Variants in ZFHX3 observed in about 807,000 individuals in gnomAD.
The protein encoded by ZFHX3 is zinc finger homeobox 3.
ZFHX3 carries 42 observed loss-of-function variants against 279.1 expected under a neutral mutation model. That is an observed-to-expected ratio of 0.15 (90% CI 0.12 to 0.19). The LOEUF is 0.19. Among genes scored for constraint, ZFHX3 ranks in the 10% least tolerant of loss-of-function variants. The pLI, the probability that ZFHX3 is intolerant of heterozygous loss-of-function variation, is 1.00. For synonymous variants in ZFHX3, 2,293 were observed against 1,957.8 expected (o/e 1.17, Z -4.52); for missense variants, 4,981 against 4,754.0 (o/e 1.05, Z -1.40).
intron 3 of ZFHX3, among the ~76,000 whole-genome samples, chr16:73,379,234 G>T (rs887699165): frequency 6.6e-6 from 1 of 152,168 alleles, no homozygotes; most frequent in African/African-American, 2.4e-5. Context: ...GGCAAGTAGA[G>T]GTTATAGTGA....
intron 3 of ZFHX3, among the ~76,000 whole-genome samples, chr16:73,378,643 C>T (rs1008208886): frequency 6.6e-6 from 1 of 152,218 alleles, no homozygotes; most frequent in Admixed American, 6.5e-5. Context: ...TTGATCTGCA[C>T]CAAACTAACC....
At chr16:73,397,580 T>G (rs1567471460) in intron 3 of ZFHX3, among the ~76,000 whole-genome samples, 1 of 151,912 alleles carries the variant, frequency 6.6e-6, no homozygotes, top group African/African-American at 2.4e-5. Flanking sequence ...AGAATAGAAA[T>G]GAGAAAAGCG....
chr16:73,461,540 C>T (rs7191703), intron 2 of ZFHX3, among the ~76,000 whole-genome samples: 1,807 of 152,256 alleles, frequency 0.012, 30 homozygotes, highest in African/African-American at 0.042. Context: ...ATTCTGCAAT[C>T]CACTTTGGAT....
Position 72,957,492 on chromosome 16 carries a change from T to A in ZFHX3, c.2654A>T (p.Gln885Leu). The change falls in exon 2 of 10, where the codon CAG becomes CTG. Residue 885 changes from glutamine (Q) to leucine (L), a missense_variant. Transcript: ENST00000268489. ...CAGCTGGAATCCGCTCATCATGAAC[T>A]GGGCGTCCGAGGCAGCACTGTCCAT... is the stretch of plus-strand genomic sequence containing the variant. ...LKMDSAASDA[Q>L]FMMSGFQLDP... 1 of 1,614,128 alleles carries A rather than the reference T, an allele frequency of 6.2e-7. No homozygotes were observed. The highest frequency in any genetic ancestry group is 8.5e-7 in the Non-Finnish European group (1 of 1,180,010).
intron 2 of ZFHX3, among the ~76,000 whole-genome samples, chr16:73,547,267 G>A (rs1409176655): frequency 6.6e-6 from 1 of 151,782 alleles, no homozygotes. Flanking sequence ...TACCAAATTG[G>A]CTTTAAATTA....
Position 73,746,905 on chromosome 16 carries a change from G to A in ZFHX3, c.-1607-66665C>T, listed in dbSNP as rs564034845. Among the ~76,000 whole-genome samples the A allele has an allele frequency of 7.2e-5, 11 of 152,114 alleles. No individual in the cohort carries two copies. In the South Asian group the frequency reaches 2.3e-3, roughly 32 times the overall value. ...CCAAAGTACACACTTTTCCTAATAA[G>A]GACTGTGTTTTAGATTATCAACATT... On this transcript the variant is annotated intron_variant, in intron 1 of 17. Transcript: ENST00000641206.
chr16:73,369,884 C>A (rs2016594471), intron 3 of ZFHX3, among the ~76,000 whole-genome samples: 1 of 151,870 alleles, frequency 6.6e-6, no homozygotes. Context: ...ACAGTCAAAG[C>A]ATATTCGAAG....
intron 3 of ZFHX3, among the ~76,000 whole-genome samples, chr16:73,445,139 T>C (rs1466308093): frequency 6.6e-6 from 1 of 151,640 alleles, no homozygotes; most frequent in African/African-American, 2.4e-5. Flanking sequence ...TCTGAAAAAT[T>C]TTAAAAAAAA....
chr16:72,968,653 G>A (rs1205247255), intron 1 of ZFHX3, among the ~76,000 whole-genome samples: 2 of 151,918 alleles, frequency 1.3e-5, no homozygotes, highest in African/African-American at 2.4e-5. Context: ...AATAGAGACA[G>A]GGTTTCACCA....
chr16:73,868,228 G>C (rs1268031148), intron 1 of ZFHX3, among the ~76,000 whole-genome samples: 2 of 152,210 alleles, frequency 1.3e-5, no homozygotes, highest in East Asian at 3.9e-4. Context: ...CTGAAGTCAA[G>C]GTTCAACAAT....
At chr16:73,023,664 C>A (rs886853196) in intron 1 of ZFHX3, among the ~76,000 whole-genome samples, 1 of 152,212 alleles carries the variant, frequency 6.6e-6, no homozygotes, top group Admixed American at 6.5e-5. Context: ...AGAAAACCAG[C>A]GCTTAGAAAA....
intron 2 of ZFHX3, among the ~76,000 whole-genome samples, chr16:73,494,707 G>A (rs529825178): frequency 2.0e-5 from 3 of 151,002 alleles, no homozygotes; most frequent in South Asian, 2.1e-4. Context: ...TTATAGGCAC[G>A]CACCACCATG....
At chr16:73,850,830 T>C (rs1032506404) in intron 1 of ZFHX3, among the ~76,000 whole-genome samples, 1 of 152,054 alleles carries the variant, frequency 6.6e-6, no homozygotes, top group African/African-American at 2.4e-5. Flanking sequence ...TTCCTCAGGG[T>C]GAAGGGTACC....
At chr16:72,863,852 A>G (rs2037946945) in intron 4 of ZFHX3, among the ~76,000 whole-genome samples, 3 of 152,136 alleles carry the variant, frequency 2.0e-5, no homozygotes, top group Non-Finnish European at 4.4e-5. Context: ...TTTTTTTAAA[A>G]AAGTTCCTTC....
chr16:73,778,732 T>C (rs995122693), intron 1 of ZFHX3, among the ~76,000 whole-genome samples: 3 of 152,220 alleles, frequency 2.0e-5, no homozygotes, highest in Admixed American at 6.5e-5. Context: ...AGCTTACAGT[T>C]TCTTCTGATG....
intron 5 of ZFHX3, among the ~76,000 whole-genome samples, chr16:73,162,841 C>T (rs1384925046): frequency 6.6e-6 from 1 of 152,184 alleles, no homozygotes; most frequent in Non-Finnish European, 1.5e-5. Context: ...TTCTTCTAAA[C>T]TCAAGGATAA....
intron 3 of ZFHX3, among the ~76,000 whole-genome samples, chr16:73,387,427 T>C (rs1264520329): frequency 1.3e-5 from 2 of 152,212 alleles, no homozygotes; most frequent in African/African-American, 2.4e-5. Context: ...AGGGGTCATG[T>C]TGAAGACTTC....
chr16:73,377,522 G>C (rs1412601848), intron 3 of ZFHX3, among the ~76,000 whole-genome samples: 1 of 152,042 alleles, frequency 6.6e-6, no homozygotes, highest in South Asian at 2.1e-4. Flanking sequence ...GGAAATCAAT[G>C]TGTAAAGATG....
chr16:72,983,552 A>T (rs1212524853), intron 1 of ZFHX3, among the ~76,000 whole-genome samples: 1 of 152,162 alleles, frequency 6.6e-6, no homozygotes, highest in Non-Finnish European at 1.5e-5. Context: ...TACAAAAATT[A>T]AAAAATTAGC....
Sources: gnomAD v4.1 joint callset for allele counts (sites outside exome capture counted in the v4.1 genomes callset) on GRCh38, gnomAD v4.1.1 for gene constraint, MANE v1.5 for transcripts, NCBI Gene and HGNC (gene_info 2026-07-23, HGNC 2026-07-21) for gene names.